The following DSCAM variants were observed in gnomAD, a reference collection of about 807,000 sequenced individuals.
DSCAM encodes DS cell adhesion molecule.
DSCAM carries 47 observed loss-of-function variants against 217.7 expected under a neutral mutation model. The ratio of observed to expected loss-of-function variants is 0.22; its 90% CI spans 0.17 to 0.28. The LOEUF (loss-of-function observed/expected upper bound fraction) is 0.28, where lower values mean the gene tolerates loss of function less well. DSCAM is among the 10% of genes least tolerant of loss of function. The pLI is 1.00. For missense variants in DSCAM, 2,080 were observed against 2,618.3 expected, an observed-to-expected ratio of 0.79 and a Z score of 4.49; for synonymous variants, 1,056 against 1,015.3, an observed-to-expected ratio of 1.04 and a Z score of -0.76.
intron 20 of DSCAM, among the ~76,000 whole-genome samples, chr21:40,123,781 A>G (rs2090060871): frequency 8.2e-6 from 1 of 122,196 alleles, no homozygotes; most frequent in South Asian, 3.0e-4. Flanking sequence ...GTGGGAGGGA[A>G]GGAAGGAGGG....
chr21:40,724,256 T>C (rs1286182972), intron 1 of DSCAM, among the ~76,000 whole-genome samples: 1 of 152,230 alleles, frequency 6.6e-6, no homozygotes, highest in Non-Finnish European at 1.5e-5. Context: ...CCAGTGAGCA[T>C]TATGATCACA....
intron 3 of DSCAM, among the ~76,000 whole-genome samples, chr21:40,536,918 C>CT (rs1221357843): frequency 1.3e-5 from 2 of 152,158 alleles, no homozygotes; most frequent in African/African-American, 4.8e-5. Context: ...ATGGTGCCTC[C>CT]TTGTGCATCC....
intron 11 of DSCAM, among the ~76,000 whole-genome samples, chr21:40,201,111 G>T (rs1488883525): frequency 6.6e-6 from 1 of 151,866 alleles, no homozygotes; most frequent in Non-Finnish European, 1.5e-5. Context: ...AGCTGGAGTG[G>T]GTCATATTTG....
chr21:40,570,356 C>T (rs2076796779), intron 3 of DSCAM, among the ~76,000 whole-genome samples: 1 of 152,202 alleles, frequency 6.6e-6, no homozygotes, highest in Non-Finnish European at 1.5e-5. Context: ...CAGAGCCCAG[C>T]ACAGCCCAGC....
chr21:40,747,094 A>G (rs914644988), intron 1 of DSCAM, among the ~76,000 whole-genome samples: 3 of 151,722 alleles, frequency 2.0e-5, no homozygotes, highest in Admixed American at 6.6e-5. Flanking sequence ...ACTGTGATAA[A>G]TGCCTACATC....
rs561556343 is a variant in DSCAM, at chr21:40,251,978, G to A, written c.2356+24119C>T. Reference sequence around the variant, plus strand: ...GGCCAACAGCCAAAGAGTAAGTGAGGCCACAAGTTGACTCCTGACAACAAT... The same window carrying A: ...GGCCAACAGCCAAAGAGTAAGTGAGACCACAAGTTGACTCCTGACAACAAT... On this transcript the variant is annotated intron_variant, in intron 11 of 32. Coordinates refer to ENST00000400454, the MANE Select transcript of DSCAM (RefSeq NM_001389.5). Among the ~76,000 whole-genome samples, 4 of 152,246 alleles carry A rather than the reference G, an allele frequency of 2.6e-5. No homozygotes were observed. The South Asian group carries it at 8.3e-4, about 32-fold the overall frequency.
In DSCAM at chr21:40,181,062, G is replaced by A. The variant is rs944602906; in HGVS notation, c.2780-1968C>T. On this transcript the variant is annotated intron_variant, in intron 14 of 32. Transcript: ENST00000400454. ...CTCCCTCCAATGGGCTGGGGGACCC[G>A]TTACAAAGCCCATCCTCACCCTCCT... is the stretch of plus-strand genomic sequence containing the variant. 7.9e-5 allele frequency among the ~76,000 whole-genome samples: 12 copies of A among 152,132 alleles called. 1 individual carries two copies. The highest frequency in any genetic ancestry group is 2.6e-4 in the Admixed American group (4 of 15,284).
Position 40,045,567 on chromosome 21 carries a change from C to G in DSCAM, c.5186-1292G>C, listed in dbSNP as rs80032786. Among the ~76,000 whole-genome samples, 337 of 152,330 alleles carry G rather than the reference C, an allele frequency of 2.2e-3. 2 individuals are homozygous for G. The highest frequency in any genetic ancestry group is 7.9e-3 in the African/African-American group (327 of 41,576). On this transcript the variant is annotated intron_variant, in intron 30 of 32. Transcript: ENST00000400454. ...ACCAGAATGGGCTACAACATCGCCT[C>G]TTCTGGAATTCTGTGGAAAATGAGA... is the stretch of plus-strand genomic sequence containing the variant.
chr21:40,472,593 A>G (rs1338667654), intron 3 of DSCAM, among the ~76,000 whole-genome samples: 1 of 152,226 alleles, frequency 6.6e-6, no homozygotes, highest in Admixed American at 6.5e-5. Flanking sequence ...TAATGACCAA[A>G]ATCATTAGGA....
intron 1 of DSCAM, among the ~76,000 whole-genome samples, chr21:40,759,357 C>T (rs1268338519): frequency 2.6e-5 from 4 of 152,142 alleles, no homozygotes; most frequent in Non-Finnish European, 1.5e-5. Context: ...CACCTAATAG[C>T]CGGCTCTGCT....
intron 20 of DSCAM, among the ~76,000 whole-genome samples, chr21:40,097,316 G>A (rs117149765): frequency 8.5e-5 from 13 of 152,048 alleles, no homozygotes; most frequent in Non-Finnish European, 1.5e-4. Context: ...GTGTAATACC[G>A]CTTGAAAGTA....
At chr21:40,045,229 A>G (rs1188242442) in intron 30 of DSCAM, among the ~76,000 whole-genome samples, 1 of 152,174 alleles carries the variant, frequency 6.6e-6, no homozygotes, top group Non-Finnish European at 1.5e-5. Flanking sequence ...ATTACTACTC[A>G]TTGTTTTAAT....
At chr21:40,209,767 A>G (rs1772045761) in intron 11 of DSCAM, among the ~76,000 whole-genome samples, 1 of 152,158 alleles carries the variant, frequency 6.6e-6, no homozygotes, top group African/African-American at 2.4e-5. Context: ...CCATCAGCTT[A>G]CTGCAAGCCA....
intron 3 of DSCAM, among the ~76,000 whole-genome samples, chr21:40,674,191 C>T (rs1202867604): frequency 6.6e-6 from 1 of 152,150 alleles, no homozygotes; most frequent in Non-Finnish European, 1.5e-5. Context: ...ATTTTATTAG[C>T]TGAGAAGGAA....
chr21:40,405,496 G>A (rs535039488), intron 3 of DSCAM, among the ~76,000 whole-genome samples: 1 of 152,256 alleles, frequency 6.6e-6, no homozygotes, highest in African/African-American at 2.4e-5. Context: ...AGGGAACATA[G>A]TGAAATGGAT....
Position 40,353,534 on chromosome 21 carries a change from C to T in DSCAM, c.865G>A (p.Gly289Ser). The stretch of plus-strand genomic sequence containing the variant: ...TTGGACACTTCACAAACATAGCTGC[C>T]TGAGTCCGAGGGGCGAATGTTCTCA... ...LIENIRPSDS[G>S]SYVCEVSNRY... Residue 289 changes from glycine to serine, a missense_variant, in exon 5 of 33, where the codon GGC becomes AGC. Coordinates refer to ENST00000400454, the MANE Select transcript of DSCAM (RefSeq NM_001389.5). 1 of 1,612,468 alleles carries T rather than the reference C, an allele frequency of 6.2e-7. No individual in the cohort carries two copies. The highest frequency in any genetic ancestry group is 8.5e-7 in the Non-Finnish European group (1 of 1,179,476).
At chr21:40,575,724 A>G (rs2076844948) in intron 3 of DSCAM, among the ~76,000 whole-genome samples, 1 of 152,170 alleles carries the variant, frequency 6.6e-6, no homozygotes, top group African/African-American at 2.4e-5. Context: ...CAGGCTACAA[A>G]TTAAAAACAA....
At chr21:40,391,678 A>G (rs1318186207) in intron 3 of DSCAM, among the ~76,000 whole-genome samples, 1 of 152,216 alleles carries the variant, frequency 6.6e-6, no homozygotes, top group Admixed American at 6.5e-5. Flanking sequence ...TTTCTCCTAC[A>G]GTGTCCCACA....
intron 11 of DSCAM, among the ~76,000 whole-genome samples, chr21:40,258,797 C>T (rs2073408797): frequency 6.6e-6 from 1 of 152,242 alleles, no homozygotes; most frequent in African/African-American, 2.4e-5. Context: ...TCTCTCTTTA[C>T]CTCTTTTAAA....
Sources: gnomAD v4.1 joint callset for allele counts (sites outside exome capture counted in the v4.1 genomes callset) on GRCh38, gnomAD v4.1.1 for gene constraint, MANE v1.5 for transcripts, NCBI Gene and HGNC (gene_info 2026-07-23, HGNC 2026-07-21) for gene names.